Variants in DARS2 observed in about 807,000 individuals in gnomAD.
The protein encoded by DARS2 is aspartyl-tRNA synthetase 2, mitochondrial.
DARS2 carries 63 observed loss-of-function variants against 83.0 expected under a neutral mutation model. That is an observed-to-expected ratio of 0.76 (90% confidence interval 0.62 to 0.94). DARS2 has a LOEUF of 0.94. Ranked by LOEUF, DARS2 falls within the 40% of genes least tolerant of loss-of-function variation. The pLI is 0.00. For synonymous variants in DARS2, 250 were observed against 269.3 expected (o/e 0.93, Z 0.70); for missense variants, 675 against 774.4 (o/e 0.87, Z 1.52).
At chr1:173,827,248 T>A (rs1304940435) in intron 2 of DARS2, among the ~76,000 whole-genome samples, 1 of 152,204 alleles carries the variant, frequency 6.6e-6, no homozygotes, top group African/African-American at 2.4e-5. Context: ...CCATTTTTTG[T>A]TGTTGTTCAT....
intron 15 of DARS2, among the ~76,000 whole-genome samples, chr1:173,856,261 C>T (rs546745261): frequency 6.6e-6 from 1 of 152,306 alleles, no homozygotes; most frequent in South Asian, 2.1e-4. Context: ...GTTCTTGGCC[C>T]TTAAGTTCTC....
intron 16 of DARS2, 139 bp downstream of exon 16, chr1:173,856,880 TAATATATTTTTTA>T: frequency 3.2e-6 from 2 of 622,122 alleles, no homozygotes; most frequent in Non-Finnish European, 5.6e-6. Flanking sequence ...GAAATTTCAG[TAATATATTTTTTA>T]AATATATCTT....
chr1:173,844,246 C>T (rs561421471), intron 11 of DARS2, among the ~76,000 whole-genome samples: 1 of 152,234 alleles, frequency 6.6e-6, no homozygotes, highest in South Asian at 2.1e-4. Context: ...CTCAAATAAT[C>T]AAATTCTGAA....
intron 9 of DARS2, among the ~76,000 whole-genome samples, chr1:173,838,545 A>G (rs1653091431): frequency 6.6e-6 from 1 of 152,054 alleles, no homozygotes; most frequent in South Asian, 2.1e-4. Context: ...TTCATAAAGA[A>G]TGTGGTCAGC....
intron 11 of DARS2, among the ~76,000 whole-genome samples, chr1:173,842,418 C>T (rs2102650899): frequency 6.8e-6 from 1 of 146,920 alleles, no homozygotes; most frequent in East Asian, 2.0e-4. Context: ...CCTGCCTTAG[C>T]CTCCTGAGTA....
In DARS2 at chr1:173,826,730, G is replaced by A; in HGVS notation, c.171G>A (p.Leu57=). 1 of 1,610,968 alleles carries A rather than the reference G, an allele frequency of 6.2e-7. No individual in the cohort carries two copies. The highest frequency in any genetic ancestry group is 8.5e-7 in the Non-Finnish European group (1 of 1,179,362). ...TCCGGACCAACACATGTGGAGAGTT[G>A]CGTTCGTCTCACTTAGGCCAAGAAG... ...FVVRTNTCGE[L]RSSHLGQEVT... The change falls in exon 2 of 17, where the codon TTG becomes TTA. Residue 57 remains leucine (L), a synonymous_variant. Transcript: ENST00000649689.
intron 3 of DARS2, among the ~76,000 whole-genome samples, chr1:173,829,949 G>T (rs984213308): frequency 6.6e-6 from 1 of 151,988 alleles, no homozygotes; most frequent in South Asian, 2.1e-4. Flanking sequence ...GGGTGTGGTG[G>T]CATGTGCCTG....
In DARS2 at chr1:173,844,918, CGAGTAGCTGG is replaced by C. The variant is rs147239166; in HGVS notation, c.1129-308_1129-299del. 0.014 allele frequency among the ~76,000 whole-genome samples: 2,152 copies of C among 149,758 alleles called. 25 individuals carry two copies. The highest frequency in any genetic ancestry group is 0.044 in the Middle Eastern group (13 of 294). On this transcript the variant is annotated intron_variant, in intron 11 of 16. Coordinates refer to ENST00000649689, the MANE Select transcript of DARS2 (RefSeq NM_018122.5). ...ATGTGATTCTCCTGCCTCAACCTCCCGAGTAGCTGGGATTTCAGGCACCTGCCACCATACC... is the reference window on the plus strand; with the variant it reads ...ATGTGATTCTCCTGCCTCAACCTCCCGATTTCAGGCACCTGCCACCATACC...
At chr1:173,833,546 CTA>C in intron 6 of DARS2, 47 bp downstream of exon 6, 1 of 1,612,092 alleles carries the variant, frequency 6.2e-7, no homozygotes, top group South Asian at 1.1e-5. Context: ...AGCATCTCTT[CTA>C]TTTTATTCAG....
chr1:173,843,679 T>A lies in DARS2; in HGVS notation c.1129-1550T>A, dbSNP rs984004686. Among the ~76,000 whole-genome samples the A allele has an allele frequency of 7.2e-5, 11 of 152,348 alleles. No homozygotes were observed. In the East Asian group the frequency reaches 2.1e-3, roughly 29 times the overall value. On this transcript the variant is annotated intron_variant, in intron 11 of 16. Transcript: ENST00000649689. ...TTAAAGTCCACTTGCTCTATTAGGA[T>A]GGAAGTAGTCCTCTGGGGAAGGTAA... is the stretch of plus-strand genomic sequence containing the variant.
chr1:173,834,547 T>C (rs1652906680), intron 7 of DARS2, 28 bp downstream of exon 7: 1 of 1,539,216 alleles, frequency 6.5e-7, no homozygotes, highest in Admixed American at 1.7e-5. Flanking sequence ...ATCAGTCTAT[T>C]AATAATGTCC....
chr1:173,836,704 A>C (rs757929132), intron 7 of DARS2, among the ~76,000 whole-genome samples: 4 of 152,242 alleles, frequency 2.6e-5, no homozygotes, highest in Non-Finnish European at 4.4e-5. Context: ...TGGAAATTCA[A>C]TTCCGCAAGC....
intron 11 of DARS2, among the ~76,000 whole-genome samples, chr1:173,841,185 G>A (rs1653192890): frequency 6.6e-6 from 1 of 152,052 alleles, no homozygotes; most frequent in Non-Finnish European, 1.5e-5. Flanking sequence ...GACCAGCCTG[G>A]CTAACATGGT....
rs1177750630 is a variant in DARS2, at chr1:173,833,444, G to A, written c.561G>A (p.Leu187=). Residue 187 remains leucine (L), a synonymous_variant, in exon 6 of 17, where the codon CTG becomes CTA. Coordinates refer to ENST00000649689, the MANE Select transcript of DARS2 (RefSeq NM_018122.5). ...GTAGTTTCCAAATGCAGTATAACCT[G>A]CGACTGAGGTCCCAGATGGTCATGA... ...DLRSFQMQYN[L]RLRSQMVMKM... is the part of the protein sequence containing the mutation. The A allele has an allele frequency of 1.2e-6, 2 of 1,614,114 alleles. No individual in the cohort carries two copies. The highest frequency in any genetic ancestry group is 1.7e-6 in the Non-Finnish European group (2 of 1,179,994).
At chr1:173,850,621 T>A in intron 13 of DARS2, 142 bp downstream of exon 13, 16 of 915,600 alleles carry the variant, frequency 1.7e-5, no homozygotes, top group Non-Finnish European at 2.2e-5. Context: ...TTTTTTTTTT[T>A]AAGAGACGGA....
Position 173,834,497 on chromosome 1 carries a change from C to G in DARS2, c.641C>G (p.Thr214Arg). ...GGGTTTGTGGATATAGAAACCCCCACATTGTTTAAGAGGACCCCAGGGGTA... is the reference window on the plus strand; with the variant it reads ...GGGTTTGTGGATATAGAAACCCCCAGATTGTTTAAGAGGACCCCAGGGGTA... ...LHGFVDIETP[T>R]LFKRTPGGAK... is the part of the protein sequence containing the mutation. Residue 214 changes from threonine (T) to arginine (R), a missense_variant, in exon 7 of 17, where the codon ACA (threonine) becomes AGA (arginine). By Grantham distance (71) the Thr-to-Arg change is moderately conservative. Coordinates refer to ENST00000649689, the MANE Select transcript of DARS2 (RefSeq NM_018122.5). 1 of 1,606,996 alleles carries G rather than the reference C, an allele frequency of 6.2e-7. No homozygotes were observed. Among genetic ancestry groups the G allele is most frequent in the Non-Finnish European group, 8.5e-7 (1 of 1,173,824 alleles).
intron 1 of DARS2, among the ~76,000 whole-genome samples, 164 bp downstream of exon 1, chr1:173,825,520 G>A (rs928618900): frequency 1.3e-5 from 2 of 150,726 alleles, no homozygotes; most frequent in African/African-American, 4.9e-5. Context: ...CCAGGCTAGA[G>A]TGAAGTGGCG....
chr1:173,829,321 G>A (rs544872582), intron 3 of DARS2, among the ~76,000 whole-genome samples: 29 of 152,122 alleles, frequency 1.9e-4, no homozygotes, highest in Non-Finnish European at 2.6e-4. Flanking sequence ...AACTGAGGGC[G>A]TTGAAAACAA....
chr1:173,830,820 G>A, intron 4 of DARS2, 59 bp downstream of exon 4: 2 of 1,306,980 alleles, frequency 1.5e-6, no homozygotes, highest in African/African-American at 1.5e-5. Context: ...CACCATCTGT[G>A]TACACATTCT....
Sources: gnomAD v4.1 joint callset for allele counts (sites outside exome capture counted in the v4.1 genomes callset) on GRCh38, gnomAD v4.1.1 for gene constraint, MANE v1.5 for transcripts, NCBI Gene and HGNC (gene_info 2026-07-23, HGNC 2026-07-21) for gene names.